TGFBR2: variants seen among roughly 807,000 people sequenced by gnomAD.
TGFBR2 encodes TGF-beta receptor type-2.
Under a neutral mutation model 49.0 loss-of-function variants are expected in TGFBR2, and 18 were observed. The ratio of observed to expected loss-of-function variants is 0.37; its 90% CI spans 0.25 to 0.54. The LOEUF is 0.54. Among genes scored for constraint, TGFBR2 ranks in the 20% least tolerant of loss-of-function variants. The pLI, the probability that TGFBR2 is intolerant of heterozygous loss-of-function variation, is 0.85. For synonymous variants in TGFBR2, 282 were observed against 275.9 expected, an observed-to-expected ratio of 1.02 and a Z score of -0.22; for missense variants, 525 against 722.6, an observed-to-expected ratio of 0.73 and a Z score of 3.13.
intron 3 of TGFBR2, among the ~76,000 whole-genome samples, chr3:30,652,232 GTTTTTT>G (rs11386584): frequency 1.5e-4 from 15 of 97,030 alleles, no homozygotes; most frequent in Admixed American, 1.2e-3. Flanking sequence ...TTTTCTGGTT[GTTTTTT>G]TTTTTTTTTT....
intron 3 of TGFBR2, among the ~76,000 whole-genome samples, chr3:30,668,918 A>G (rs948209584): frequency 1.3e-5 from 2 of 151,992 alleles, no homozygotes; most frequent in African/African-American, 2.4e-5. Context: ...AAGTAATCAT[A>G]TTACACATAA....
At position 30,671,792 on chromosome 3, in the gene TGFBR2, C is replaced by G; in HGVS notation, c.609C>G (p.Thr203=). ...RQQKLSSTWE[T]GKTRKLMEFS... ...AGAAGCTGAGTTCAACCTGGGAAAC[C>G]GGCAAGACGCGGAAGCTCATGGAGT... The change falls in exon 4 of 7, where the codon ACC becomes ACG. Residue 203 remains threonine (T), a synonymous_variant. Coordinates refer to ENST00000295754, the MANE Select transcript of TGFBR2 (RefSeq NM_003242.6). The G allele has an allele frequency of 6.2e-7, 1 of 1,614,182 alleles. No individual in the cohort carries two copies.
At chr3:30,644,953 C>G in intron 2 of TGFBR2, 38 bp downstream of exon 2, 1 of 1,579,540 alleles carries the variant, frequency 6.3e-7, no homozygotes, top group Non-Finnish European at 8.7e-7. Context: ...TTTCTTTTCC[C>G]CTTTTTACAT....
intron 6 of TGFBR2, among the ~76,000 whole-genome samples, chr3:30,690,820 T>G (rs766115336): frequency 3.9e-5 from 6 of 152,218 alleles, no homozygotes; most frequent in Non-Finnish European, 7.3e-5. Context: ...CATGTCATTA[T>G]ACATTTGTCA....
At chr3:30,690,378 T>G (rs540653938) in intron 6 of TGFBR2, among the ~76,000 whole-genome samples, 1 of 152,354 alleles carries the variant, frequency 6.6e-6, no homozygotes, top group African/African-American at 2.4e-5. Context: ...GATGGTCTCC[T>G]TGGATGGGAG....
At chr3:30,609,714 T>G (rs573246916) in intron 1 of TGFBR2, among the ~76,000 whole-genome samples, 2 of 152,190 alleles carry the variant, frequency 1.3e-5, no homozygotes, top group Non-Finnish European at 2.9e-5. Context: ...AAAAGTGTCA[T>G]AGTGATCAGG....
chr3:30,690,610 G>A (rs764686755), intron 6 of TGFBR2, among the ~76,000 whole-genome samples: 17 of 152,166 alleles, frequency 1.1e-4, no homozygotes, highest in Non-Finnish European at 2.1e-4. Context: ...CAATTCTGAC[G>A]GGGGTAATCA....
intron 1 of TGFBR2, among the ~76,000 whole-genome samples, chr3:30,607,815 A>G (rs1027504705): frequency 7.3e-6 from 1 of 136,188 alleles, no homozygotes; most frequent in Non-Finnish European, 1.5e-5. Flanking sequence ...TATATATATT[A>G]TATATATATA....
intron 3 of TGFBR2, among the ~76,000 whole-genome samples, chr3:30,651,132 C>T (rs1698876940): frequency 6.6e-6 from 1 of 152,186 alleles, no homozygotes; most frequent in Non-Finnish European, 1.5e-5. Flanking sequence ...AAGGCATACA[C>T]TATTCCCTCA....
chr3:30,689,801 A>T (rs1419083273), intron 6 of TGFBR2, among the ~76,000 whole-genome samples: 2 of 152,372 alleles, frequency 1.3e-5, no homozygotes, highest in East Asian at 3.9e-4. Flanking sequence ...GCCATTATTC[A>T]TGATGATAAA....
chr3:30,642,462 G>A (rs1380623971), intron 1 of TGFBR2, among the ~76,000 whole-genome samples: 1 of 152,172 alleles, frequency 6.6e-6, no homozygotes, highest in Non-Finnish European at 1.5e-5. Flanking sequence ...AATTAAATCA[G>A]ACTATCTGGG....
chr3:30,687,491 T>C (rs1020832053), intron 5 of TGFBR2, among the ~76,000 whole-genome samples: 3 of 152,152 alleles, frequency 2.0e-5, no homozygotes. Context: ...CCTAAAGTGC[T>C]GGGATTACAC....
At chr3:30,678,565 A>G (rs865845458) in intron 5 of TGFBR2, among the ~76,000 whole-genome samples, 26 of 150,364 alleles carry the variant, frequency 1.7e-4, no homozygotes, top group South Asian at 2.1e-4. Flanking sequence ...AAAAAAAAAA[A>G]AAAGAGGTAT....
intron 1 of TGFBR2, among the ~76,000 whole-genome samples, chr3:30,619,677 C>T (rs17029848): frequency 0.059 from 8,913 of 152,224 alleles, 320 homozygotes; most frequent in Middle Eastern, 0.12. Context: ...TTCTCCACCA[C>T]CTCCCCCCAA....
chr3:30,627,386 T>C (rs986010750), intron 1 of TGFBR2, among the ~76,000 whole-genome samples: 5 of 152,114 alleles, frequency 3.3e-5, no homozygotes, highest in Non-Finnish European at 5.9e-5. Flanking sequence ...CTCAGTGGCA[T>C]GTATTTTATT....
Position 30,693,033 on chromosome 3 carries a change from A to G in TGFBR2, c.*1434A>G, listed in dbSNP as rs1699741643. 1 of 233,204 alleles carries G rather than the reference A, an allele frequency of 4.3e-6. No individual in the cohort carries two copies. Among genetic ancestry groups the G allele is most frequent in the South Asian group, 1.8e-4 (1 of 5,532 alleles). 14.4% of individuals were successfully genotyped at this position (233,204 alleles called of 1,614,324 possible). A position where few individuals can be genotyped will look rare whatever the true frequency, so the allele number is the denominator to read the frequency against. On this transcript the variant is annotated 3_prime_UTR_variant, in exon 7 of 7. Coordinates refer to ENST00000295754, the MANE Select transcript of TGFBR2 (RefSeq NM_003242.6). ...GTCCCTTGTAAGAAATGTCCATTCA[A>G]GCAGTCATTCTCTGGGTATATAATA... is the stretch of plus-strand genomic sequence containing the variant.
Position 30,648,460 on chromosome 3 carries a change from A to ACACACACACACACACACACACACACACC in TGFBR2, c.264-1808_264-1807insCACACACACACACACACACACACACCCA, listed in dbSNP as rs1553627538. The stretch of plus-strand genomic sequence containing the variant: ...CACACACACACACACACACACACAC[A>ACACACACACACACACACACACACACACC]CAAAACTGTGGGGGCAGGGAGGAAG... On this transcript the variant is annotated intron_variant, in intron 2 of 6. Coordinates refer to ENST00000295754, the MANE Select transcript of TGFBR2 (RefSeq NM_003242.6). Among the ~76,000 whole-genome samples, 51 of 142,482 alleles carry ACACACACACACACACACACACACACACC rather than the reference A, an allele frequency of 3.6e-4. 1 individual carries two copies. The highest frequency in any genetic ancestry group is 2.5e-3 in the Admixed American group (35 of 14,222). 93.5% of individuals were successfully genotyped at this position (142,482 alleles called of 152,430 possible).
In TGFBR2 at chr3:30,687,505, T is replaced by C. The variant is rs188139918; in HGVS notation, c.1397-879T>C. ...TCCTAAAGTGCTGGGATTACACACA[T>C]GAGCCACAGCACCTGGCCTGTAGAC... is the stretch of plus-strand genomic sequence containing the variant. On this transcript the variant is annotated intron_variant, in intron 5 of 6. Transcript: ENST00000295754. 4.6e-5 allele frequency among the ~76,000 whole-genome samples: 7 copies of C among 152,270 alleles called. No homozygotes were observed. The East Asian group carries it at 1.4e-3, about 29-fold the overall frequency.
intron 1 of TGFBR2, among the ~76,000 whole-genome samples, chr3:30,621,164 C>T (rs1427940100): frequency 6.6e-6 from 1 of 152,116 alleles, no homozygotes; most frequent in Non-Finnish European, 1.5e-5. Context: ...GTAGCCACTC[C>T]TCTATGGGAA....
Sources: allele counts gnomAD v4.1 joint callset (sites outside exome capture counted in the v4.1 genomes callset), GRCh38; gene constraint gnomAD v4.1.1; transcripts MANE v1.5; gene names NCBI Gene and HGNC (gene_info 2026-07-23, HGNC 2026-07-21).